GAPVD1: variants seen among roughly 807,000 people sequenced by gnomAD.
GAPVD1 encodes the protein GTPase activating protein and VPS9 domains 1, also known as GTPase-activating protein and VPS9 domain-containing protein 1.
In GAPVD1, 35 loss-of-function variants were observed where a neutral mutation model predicts 155.5. That is an observed-to-expected ratio of 0.23 (90% confidence interval 0.17 to 0.30). The LOEUF (loss-of-function observed/expected upper bound fraction) is 0.30. Among genes scored for constraint, GAPVD1 ranks in the 10% least tolerant of loss-of-function variants. The pLI is 1.00. For missense variants in GAPVD1, 1,429 were observed against 1,775.7 expected (o/e 0.80, Z 3.51); for synonymous variants, 636 against 619.7 (o/e 1.03, Z -0.39).
At chr9:125,299,596 A>G (rs2130796200) in intron 4 of GAPVD1, among the ~76,000 whole-genome samples, 1 of 151,680 alleles carries the variant, frequency 6.6e-6, no homozygotes, top group South Asian at 2.1e-4. Flanking sequence ...TGGAGGTTGC[A>G]GTGGGCCGAG....
At chr9:125,309,815 A>G (rs923388814) in intron 8 of GAPVD1, 1 of 221,242 alleles carries the variant, frequency 4.5e-6, no homozygotes, top group Non-Finnish European at 1.0e-5. Flanking sequence ...TGTATGCCCA[A>G]TATTATTTTG....
At chr9:125,279,637 T>TA (rs200415136) in intron 2 of GAPVD1, among the ~76,000 whole-genome samples, 2,784 of 146,608 alleles carry the variant, frequency 0.019, 114 homozygotes, top group East Asian at 0.088. Flanking sequence ...ATGTGCACAA[T>TA]AAAAAAAAAT....
Position 125,350,151 on chromosome 9 carries a change from A to C in GAPVD1, c.3300-144A>C, listed in dbSNP as rs146297848. The C allele has an allele frequency of 1.2e-3, 724 of 581,980 alleles. 2 individuals carry two copies. The highest frequency in any genetic ancestry group is 2.9e-3 in the Middle Eastern group (6 of 2,098). 36.1% of individuals were successfully genotyped at this position (581,980 alleles called of 1,614,324 possible). A position where few individuals can be genotyped will look rare whatever the true frequency, so the allele number is the denominator to read the frequency against. ...GGTAATTAGAAAGCCTGTTCTTTTA[A>C]GTGGAGTGTCAGTTAAGAATCATCT... is the stretch of plus-strand genomic sequence containing the variant. On this transcript the variant is annotated intron_variant, in intron 21 of 27. Transcript: ENST00000297933.
At chr9:125,262,375 C>T (rs554386630) in intron 1 of GAPVD1, among the ~76,000 whole-genome samples, 1 of 152,282 alleles carries the variant, frequency 6.6e-6, no homozygotes, top group East Asian at 1.9e-4. Context: ...GGAAGCTTGA[C>T]AAGCTGGACA....
intron 23 of GAPVD1, among the ~76,000 whole-genome samples, chr9:125,351,101 G>C (rs1849230890): frequency 6.6e-6 from 1 of 152,180 alleles, no homozygotes; most frequent in Non-Finnish European, 1.5e-5. Context: ...CCATGTGGCT[G>C]GGAGGCCTCA....
rs1233423678 is a variant in GAPVD1 at position 125,348,491 on chromosome 9, G to C, written c.3170-899G>C. Among the ~76,000 whole-genome samples, 4 of 151,980 alleles carry C rather than the reference G, an allele frequency of 2.6e-5. No homozygotes were observed. The East Asian group carries it at 7.7e-4, about 29-fold the overall frequency. ...ATTCGTTTTGATTGTATACATGTAT[G>C]TGTTGTATTATATGTTCTTTTGTGT... On this transcript the variant is annotated intron_variant, in intron 20 of 27. Coordinates refer to ENST00000297933, the MANE Select transcript of GAPVD1 (RefSeq NM_001282680.3).
intron 2 of GAPVD1, among the ~76,000 whole-genome samples, chr9:125,279,612 A>G (rs943372593): frequency 6.6e-6 from 1 of 151,626 alleles, no homozygotes; most frequent in Non-Finnish European, 1.5e-5. Flanking sequence ...TAAAAAAAAA[A>G]CACTGAGGAA....
chr9:125,357,187 C>A (rs74309955), intron 25 of GAPVD1, among the ~76,000 whole-genome samples: 4,916 of 152,256 alleles, frequency 0.032, 233 homozygotes, highest in East Asian at 0.24. Context: ...CTGCCTTATT[C>A]CCTCTGCGAG....
rs144638158 is a variant in GAPVD1, at chr9:125,269,584, C to T, written c.-150+600C>T. 4.6e-3 allele frequency among the ~76,000 whole-genome samples: 693 copies of T among 150,688 alleles called. 6 individuals carry two copies. Among genetic ancestry groups the T allele is most frequent in the African/African-American group, 0.016 (654 of 41,004 alleles). On this transcript the variant is annotated intron_variant, in intron 2 of 27. Coordinates refer to ENST00000297933, the MANE Select transcript of GAPVD1 (RefSeq NM_001282680.3). ...CTGGGATTACAGGTGCTACCATGCC[C>T]TGCTCATTTTTTATATTTTTAGTAG... is the stretch of plus-strand genomic sequence containing the variant.
chr9:125,309,508 T>C (rs1415466425), intron 8 of GAPVD1, among the ~76,000 whole-genome samples: 2 of 152,094 alleles, frequency 1.3e-5, no homozygotes, highest in Non-Finnish European at 2.9e-5. Context: ...CTAATTTTTA[T>C]ATTTTTGGTA....
intron 2 of GAPVD1, among the ~76,000 whole-genome samples, chr9:125,293,844 A>ATATATTTT (rs1839146995): frequency 2.9e-5 from 2 of 69,146 alleles, no homozygotes; most frequent in African/African-American, 1.4e-4. Context: ...TATATATAAA[A>ATATATTTT]ATATATTTTA....
At chr9:125,322,362 C>T (rs1239491112) in intron 10 of GAPVD1, among the ~76,000 whole-genome samples, 2 of 152,104 alleles carry the variant, frequency 1.3e-5, no homozygotes, top group Non-Finnish European at 2.9e-5. Flanking sequence ...CCGCGCCTGG[C>T]CCCGGGTTTT....
At chr9:125,340,483 G>A (rs548258027) in intron 17 of GAPVD1, among the ~76,000 whole-genome samples, 1 of 151,922 alleles carries the variant, frequency 6.6e-6, no homozygotes, top group South Asian at 2.1e-4. Flanking sequence ...ATTTTTTATC[G>A]ATAAAAAAGG....
chr9:125,341,024 G>C (rs1158192467), intron 17 of GAPVD1, among the ~76,000 whole-genome samples, 153 bp from the exon 18 acceptor site: 2 of 152,186 alleles, frequency 1.3e-5, no homozygotes, highest in African/African-American at 4.8e-5. Context: ...AGTCGAGGCT[G>C]CAGTGAGCTG....
chr9:125,321,676 C>G, intron 10 of GAPVD1, 114 bp downstream of exon 10: 3 of 926,424 alleles, frequency 3.2e-6, no homozygotes, highest in Non-Finnish European at 4.8e-6. Flanking sequence ...ACTGAGGAGA[C>G]TAATGAAGAT....
At chr9:125,332,955 T>G (rs1463311472) in intron 15 of GAPVD1, among the ~76,000 whole-genome samples, 1 of 152,250 alleles carries the variant, frequency 6.6e-6, no homozygotes, top group African/African-American at 2.4e-5. Flanking sequence ...ATGTAACTGC[T>G]TATTGGAATT....
intron 19 of GAPVD1, among the ~76,000 whole-genome samples, chr9:125,345,378 G>A (rs527444597): frequency 3.0e-4 from 46 of 152,028 alleles, no homozygotes; most frequent in Admixed American, 4.6e-4. Context: ...TTGGGGTTTC[G>A]CCATGTTGGC....
At chr9:125,345,968 G>A (rs1848467893) in intron 19 of GAPVD1, 1 of 152,146 alleles carries the variant, frequency 6.6e-6, no homozygotes, top group Non-Finnish European at 1.5e-5. Flanking sequence ...GAACATTTAT[G>A]GTCACCTGCC....
At chr9:125,356,132 G>A (rs1401805896) in intron 25 of GAPVD1, among the ~76,000 whole-genome samples, 3 of 152,072 alleles carry the variant, frequency 2.0e-5, no homozygotes, top group African/African-American at 7.2e-5. Context: ...CTTCCTTCTC[G>A]TGATTAAGTC....
Sources: allele counts gnomAD v4.1 joint callset (sites outside exome capture counted in the v4.1 genomes callset), GRCh38; gene constraint gnomAD v4.1.1; transcripts MANE v1.5; gene names NCBI Gene and HGNC (gene_info 2026-07-23, HGNC 2026-07-21).